LRBA: variants seen among roughly 807,000 people sequenced by gnomAD.
The protein encoded by LRBA is LPS responsive beige-like anchor protein, also known as lipopolysaccharide-responsive and beige-like anchor protein.
LRBA carries 176 observed loss-of-function variants against 330.0 expected under a neutral mutation model. That is an observed-to-expected ratio of 0.53 (90% CI 0.47 to 0.60). The LOEUF is 0.60. Among genes scored for constraint, LRBA ranks in the 20% least tolerant of loss-of-function variants. LRBA has a pLI of 0.00. For synonymous variants in LRBA, 1,230 were observed against 1,193.0 expected (o/e 1.03, Z -0.64); for missense variants, 3,259 against 3,444.8 (o/e 0.95, Z 1.35).
chr4:150,877,559 T>TA (rs749014673), intron 17 of LRBA, among the ~76,000 whole-genome samples: 2 of 152,202 alleles, frequency 1.3e-5, no homozygotes, highest in African/African-American at 2.4e-5. Flanking sequence ...GGAACAGACT[T>TA]AGACAGTCAC....
At chr4:150,580,980 C>T (rs902928586) in intron 40 of LRBA, 1 of 154,364 alleles carries the variant, frequency 6.5e-6, no homozygotes, top group African/African-American at 2.4e-5. Context: ...CCTAAGAATA[C>T]ATTCACAATT....
At chr4:150,333,812 A>T (rs59713336) in intron 48 of LRBA, among the ~76,000 whole-genome samples, 29,819 of 152,128 alleles carry the variant, frequency 0.2, 3,121 homozygotes, top group East Asian at 0.26. Flanking sequence ...CTTAATCATG[A>T]TATGGTTACG....
chr4:150,747,947 G>T (rs2126356662), intron 35 of LRBA, among the ~76,000 whole-genome samples: 1 of 152,178 alleles, frequency 6.6e-6, no homozygotes, highest in South Asian at 2.1e-4. Flanking sequence ...ATCTTCACGT[G>T]GATACCCAAT....
At chr4:151,001,736 A>G (rs913436794) in intron 2 of LRBA, among the ~76,000 whole-genome samples, 1 of 152,076 alleles carries the variant, frequency 6.6e-6, no homozygotes, top group Admixed American at 6.6e-5. Context: ...CCACCCACAC[A>G]GCCTATCACT....
chr4:150,385,694 A>T (rs887025718), intron 47 of LRBA, among the ~76,000 whole-genome samples: 1 of 152,176 alleles, frequency 6.6e-6, no homozygotes, highest in African/African-American at 2.4e-5. Flanking sequence ...GCTACTACTG[A>T]TAACTGGTGC....
At chr4:150,379,632 A>C (rs1031104651) in intron 47 of LRBA, among the ~76,000 whole-genome samples, 14 of 152,130 alleles carry the variant, frequency 9.2e-5, no homozygotes, top group African/African-American at 3.1e-4. Context: ...AAAACAAAAA[A>C]CTATCATCAT....
At chr4:150,511,517 T>G (rs1438421449) in intron 40 of LRBA, among the ~76,000 whole-genome samples, 2 of 152,170 alleles carry the variant, frequency 1.3e-5, no homozygotes, top group Non-Finnish European at 2.9e-5. Flanking sequence ...CATCTCCCAG[T>G]GTGATGGTCT....
chr4:150,580,813 T>C (rs1311677165), intron 40 of LRBA: 1 of 152,266 alleles, frequency 6.6e-6, no homozygotes, highest in East Asian at 1.9e-4. Flanking sequence ...TAAAAGCACA[T>C]GCATGCCTTT....
chr4:150,353,455 CA>C (rs1190446908), intron 47 of LRBA, among the ~76,000 whole-genome samples: 1 of 152,074 alleles, frequency 6.6e-6, no homozygotes, highest in East Asian at 1.9e-4. Context: ...TGACAAAGTA[CA>C]AATGAATTTT....
chr4:150,836,356 G>A (rs1480869029), intron 28 of LRBA, among the ~76,000 whole-genome samples: 1 of 152,128 alleles, frequency 6.6e-6, no homozygotes, highest in Admixed American at 6.5e-5. Flanking sequence ...CTATTGATTG[G>A]AATAGTTTCA....
intron 36 of LRBA, among the ~76,000 whole-genome samples, chr4:150,699,490 C>T (rs1035469423): frequency 4.6e-5 from 7 of 152,146 alleles, no homozygotes; most frequent in Admixed American, 3.3e-4. Flanking sequence ...TCTGATACAA[C>T]TCTATCCAGC....
intron 47 of LRBA, among the ~76,000 whole-genome samples, chr4:150,370,788 C>G (rs1346078655): frequency 6.6e-6 from 1 of 152,150 alleles, no homozygotes; most frequent in East Asian, 1.9e-4. Flanking sequence ...TATATGAGAA[C>G]TCTCTAAAGG....
chr4:150,736,779 C>T (rs1731238268), intron 35 of LRBA, among the ~76,000 whole-genome samples: 1 of 152,018 alleles, frequency 6.6e-6, no homozygotes. Flanking sequence ...TTAAGGATAC[C>T]CTGCTTAGGC....
At position 150,310,189 on chromosome 4, in the gene LRBA, T is replaced by G. The variant is rs752521834; in HGVS notation, c.7849+40A>C. On this transcript the variant is annotated intron_variant, in intron 52 of 56. Transcript: ENST00000651943. ...ATCCTAAGCCTCTCAATACTACTTA[T>G]AGTAAACTTTAGTTCACTGATAAAG... is the stretch of plus-strand genomic sequence containing the variant. 1.1e-5 allele frequency: 15 copies of G among 1,388,024 alleles called. No individual in the cohort carries two copies. In the Admixed American group the frequency reaches 1.2e-4, roughly 11 times the overall value. The allele number at this position is 1,388,024 out of a possible 1,614,324, so 86.0% of individuals were successfully genotyped here.
chr4:150,577,420 T>TAAA (rs35865758), intron 40 of LRBA, among the ~76,000 whole-genome samples: 9 of 148,848 alleles, frequency 6.0e-5, no homozygotes, highest in Non-Finnish European at 1.0e-4. Context: ...TTCATTTTTT[T>TAAA]AAAAAAAAAA....
At chr4:150,472,500 T>G (rs1187581562) in intron 42 of LRBA, among the ~76,000 whole-genome samples, 5 of 152,158 alleles carry the variant, frequency 3.3e-5, no homozygotes, top group Non-Finnish European at 5.9e-5. Flanking sequence ...TCAGTAATTT[T>G]TAAAAAATAT....
intron 37 of LRBA, among the ~76,000 whole-genome samples, chr4:150,678,297 A>C (rs1782753204): frequency 6.6e-6 from 1 of 152,104 alleles, no homozygotes; most frequent in African/African-American, 2.4e-5. Flanking sequence ...TAATAATAAA[A>C]ATTCAAATCT....
chr4:150,698,700 T>C (rs1412601322), intron 36 of LRBA, among the ~76,000 whole-genome samples: 1 of 152,154 alleles, frequency 6.6e-6, no homozygotes, highest in Non-Finnish European at 1.5e-5. Flanking sequence ...CCACCAATGA[T>C]AGTTCCTTTA....
intron 2 of LRBA, among the ~76,000 whole-genome samples, chr4:151,005,334 A>G (rs1483249024): frequency 7.0e-6 from 1 of 142,846 alleles, no homozygotes; most frequent in African/African-American, 2.6e-5. Flanking sequence ...AATCCCAGTG[A>G]GGCTGAGACA....
Sources: gnomAD v4.1 joint callset for allele counts (sites outside exome capture counted in the v4.1 genomes callset) on GRCh38, gnomAD v4.1.1 for gene constraint, MANE v1.5 for transcripts, NCBI Gene and HGNC (gene_info 2026-07-23, HGNC 2026-07-21) for gene names.